The following SGCZ variants were observed in gnomAD, a reference collection of about 807,000 sequenced individuals.
SGCZ encodes zeta-sarcoglycan.
Under a neutral mutation model 41.3 loss-of-function variants are expected in SGCZ, and 40 were observed. The ratio of observed to expected loss-of-function variants is 0.97; its 90% CI spans 0.75 to 1.26. SGCZ has a LOEUF of 1.26. SGCZ is among the 50% of genes most tolerant of loss of function. The pLI is 0.00. For synonymous variants in SGCZ, 206 were observed against 137.5 expected (o/e 1.50, Z -3.49); for missense variants, 552 against 369.8 (o/e 1.49, Z -4.04).
intron 1 of SGCZ, among the ~76,000 whole-genome samples, chr8:15,144,728 G>GT (rs1798991771): frequency 6.6e-6 from 1 of 152,136 alleles, no homozygotes. Flanking sequence ...AAGTGCTGGG[G>GT]TTACAGGCAT....
At chr8:15,159,591 G>C (rs1026555370) in intron 1 of SGCZ, among the ~76,000 whole-genome samples, 1 of 152,138 alleles carries the variant, frequency 6.6e-6, no homozygotes, top group East Asian at 1.9e-4. Flanking sequence ...CTGATTGCTT[G>C]CCTGGTGTGT....
intron 1 of SGCZ, among the ~76,000 whole-genome samples, chr8:14,882,004 T>A (rs1159595743): frequency 1.3e-5 from 2 of 152,096 alleles, no homozygotes; most frequent in African/African-American, 4.8e-5. Context: ...TTGACAGACA[T>A]CAAAAAGTTC....
chr8:14,817,518 CT>C (rs998957131), intron 1 of SGCZ, among the ~76,000 whole-genome samples: 4 of 152,142 alleles, frequency 2.6e-5, no homozygotes, highest in African/African-American at 9.7e-5. Flanking sequence ...TTCTAGAGTA[CT>C]TTCTGCCCTA....
intron 4 of SGCZ, among the ~76,000 whole-genome samples, chr8:14,180,268 C>T (rs1046830765): frequency 1.3e-5 from 2 of 152,178 alleles, no homozygotes; most frequent in Admixed American, 1.3e-4. Flanking sequence ...TAATTACACA[C>T]CCTGCAGAAA....
At chr8:14,233,177 T>C (rs1000165036) in intron 4 of SGCZ, among the ~76,000 whole-genome samples, 1 of 151,968 alleles carries the variant, frequency 6.6e-6, no homozygotes, top group South Asian at 2.1e-4. Flanking sequence ...TTCATTTTTA[T>C]CCTTCAGCTA....
intron 1 of SGCZ, among the ~76,000 whole-genome samples, chr8:14,779,172 T>C (rs777531836): frequency 1.3e-5 from 2 of 152,218 alleles, no homozygotes; most frequent in Non-Finnish European, 2.9e-5. Context: ...ACATATTAAA[T>C]CATGGTCACC....
chr8:14,470,728 A>G (rs1414798175), intron 2 of SGCZ, among the ~76,000 whole-genome samples: 1 of 152,188 alleles, frequency 6.6e-6, no homozygotes, highest in Admixed American at 6.6e-5. Context: ...ACATAAAGGT[A>G]TGTATAAAAA....
intron 2 of SGCZ, among the ~76,000 whole-genome samples, chr8:14,383,389 G>A (rs17299443): frequency 0.19 from 29,420 of 152,090 alleles, 3,577 homozygotes; most frequent in Non-Finnish European, 0.28. Flanking sequence ...GAAGTCTAAT[G>A]ATGGAGTGAC....
chr8:14,912,943 C>A (rs1190636732), intron 1 of SGCZ, among the ~76,000 whole-genome samples: 1 of 152,014 alleles, frequency 6.6e-6, no homozygotes, highest in African/African-American at 2.4e-5. Flanking sequence ...AATTGAGTAG[C>A]CACGCTTTTA....
intron 2 of SGCZ, among the ~76,000 whole-genome samples, chr8:14,512,845 T>G (rs1049208105): frequency 2.0e-5 from 3 of 152,078 alleles, no homozygotes; most frequent in Non-Finnish European, 4.4e-5. Flanking sequence ...CTGGTGCTTC[T>G]GAAGTTTCAT....
chr8:14,515,206 C>A (rs974647447), intron 2 of SGCZ, among the ~76,000 whole-genome samples: 6 of 151,980 alleles, frequency 3.9e-5, no homozygotes, highest in East Asian at 1.9e-4. Context: ...AACTTCTAGG[C>A]TACTGACATT....
chr8:14,431,560 C>G (rs898473715), intron 2 of SGCZ, among the ~76,000 whole-genome samples: 2 of 152,114 alleles, frequency 1.3e-5, no homozygotes, highest in Non-Finnish European at 2.9e-5. Flanking sequence ...CAAGAACTTC[C>G]ATCTAAGACT....
intron 1 of SGCZ, among the ~76,000 whole-genome samples, chr8:14,607,119 A>G (rs1341484848): frequency 6.6e-6 from 1 of 152,180 alleles, no homozygotes; most frequent in East Asian, 1.9e-4. Context: ...CATCTGTAAA[A>G]TGGGGATAAT....
At chr8:14,116,453 C>G (rs558767914) in intron 5 of SGCZ, among the ~76,000 whole-genome samples, 1 of 152,220 alleles carries the variant, frequency 6.6e-6, no homozygotes, top group East Asian at 1.9e-4. Flanking sequence ...GTACACACAG[C>G]TTGCCTTAAT....
intron 2 of SGCZ, among the ~76,000 whole-genome samples, chr8:14,465,363 T>C (rs1193924700): frequency 2.6e-5 from 4 of 151,784 alleles, no homozygotes; most frequent in Non-Finnish European, 5.9e-5. Flanking sequence ...TTTTGTCTGA[T>C]ATTAGTTTAA....
intron 1 of SGCZ, among the ~76,000 whole-genome samples, chr8:14,811,108 G>T (rs554393724): frequency 8.6e-4 from 130 of 152,036 alleles, no homozygotes; most frequent in South Asian, 6.4e-3. Flanking sequence ...AGGATTTTCT[G>T]TAAGAAATAT....
Position 14,435,768 on chromosome 8 carries a change from T to C in SGCZ, c.235-111564A>G, listed in dbSNP as rs7827191. On this transcript the variant is annotated intron_variant, in intron 2 of 7. Transcript: ENST00000382080. Reference sequence around the variant, plus strand: ...AATACACATATGACTAAACTGCAAATACGTGAACTTGTTAACTCATTGATG... The same window carrying C: ...AATACACATATGACTAAACTGCAAACACGTGAACTTGTTAACTCATTGATG... Among the ~76,000 whole-genome samples the C allele has an allele frequency of 8.1e-3, 1,234 of 152,290 alleles. 16 individuals are homozygous for C. Among genetic ancestry groups the C allele is most frequent in the African/African-American group, 0.024 (1,012 of 41,570 alleles).
At chr8:15,236,137 G>C (rs552980137) in intron 1 of SGCZ, among the ~76,000 whole-genome samples, 6 of 152,252 alleles carry the variant, frequency 3.9e-5, no homozygotes, top group Admixed American at 2.0e-4. Context: ...CTCAGTCTTC[G>C]GTGGAAGTGG....
chr8:15,186,817 A>G (rs753907490), intron 1 of SGCZ, among the ~76,000 whole-genome samples: 7 of 152,206 alleles, frequency 4.6e-5, no homozygotes, highest in Admixed American at 2.0e-4. Context: ...GATTTTGCCC[A>G]AAGTATTAAC....
Sources: allele counts gnomAD v4.1 joint callset (sites outside exome capture counted in the v4.1 genomes callset), GRCh38; gene constraint gnomAD v4.1.1; transcripts MANE v1.5; gene names NCBI Gene and HGNC (gene_info 2026-07-23, HGNC 2026-07-21).